Variants in FEZ2 observed in about 807,000 individuals in gnomAD.
FEZ2 encodes the protein fasciculation and elongation protein zeta-2.
Under a neutral mutation model 40.4 loss-of-function variants are expected in FEZ2, and 51 were observed. The observed-to-expected ratio is 1.26, with a 90% CI of 1.01 to 1.59. The LOEUF (loss-of-function observed/expected upper bound fraction) is 1.59, where lower values mean the gene tolerates loss of function less well. FEZ2 is among the 40% of genes most tolerant of loss of function. The pLI is 0.00. For missense variants in FEZ2, 640 were observed against 438.3 expected (o/e 1.46, Z -4.11); for synonymous variants, 242 against 172.0 (o/e 1.41, Z -3.18).
At chr2:36,573,047 T>C (rs1374175025) in intron 5 of FEZ2, among the ~76,000 whole-genome samples, 1 of 152,222 alleles carries the variant, frequency 6.6e-6, no homozygotes, top group Non-Finnish European at 1.5e-5. Flanking sequence ...AAGTTGTCCG[T>C]ATAAACTTTT....
rs572818838 is a variant in FEZ2, at chr2:36,598,062, G to C, written c.81C>G (p.Asn27Lys). ...ARSLLDQENC[N>K]ASPEPGAEAG... ...CCTCCGCCCCAGGCTCGGGGCTCGC[G>C]TTACAGTTCTCCTGGTCCAGGAGGC... Residue 27 changes from asparagine (N) to lysine (K), a missense_variant, in exon 1 of 8, where the codon AAC becomes AAG. Transcript: ENST00000405912. 130 of 1,491,346 alleles carry C rather than the reference G, an allele frequency of 8.7e-5. No homozygotes were observed. The African/African-American group carries it at 1.8e-3, about 20-fold the overall frequency. The allele number at this position is 1,491,346 out of a possible 1,614,324, so 92.4% of individuals were successfully genotyped here. A position where few individuals can be genotyped will look rare whatever the true frequency, so the allele number is the denominator to read the frequency against.
At chr2:36,583,233 T>C (rs1668803048) in intron 3 of FEZ2, 120 bp downstream of exon 3, 1 of 630,450 alleles carries the variant, frequency 1.6e-6, no homozygotes, top group Non-Finnish European at 2.8e-6. Flanking sequence ...TAAGCCTGTA[T>C]AACCAGAAAA....
In FEZ2 at chr2:36,597,913, C is replaced by A. The variant is rs1194541264; in HGVS notation, c.230G>T (p.Arg77Leu). 6 of 1,418,802 alleles carry A rather than the reference C, an allele frequency of 4.2e-6. No individual in the cohort carries two copies. Among genetic ancestry groups the A allele is most frequent in the Admixed American group, 2.9e-5 (1 of 33,988 alleles). The allele number at this position is 1,418,802 out of a possible 1,614,324, so 87.9% of individuals were successfully genotyped here. Residue 77 changes from arginine (R) to leucine (L), a missense_variant, in exon 1 of 8, where the codon CGG becomes CTG. Arg to Leu is a moderately radical substitution (Grantham distance 102, BLOSUM62 -2). Transcript: ENST00000405912. ...CAGGAGGCTGCGCTCCGTGATGGGC[C>A]GCACGGCCGTCCTCGGGGGCTCGGC... ...PGAEPPRTAV[R>L]PITERSLLQG...
chr2:36,581,487 C>G, intron 3 of FEZ2, 56 bp from the exon 4 acceptor site: 1 of 1,546,128 alleles, frequency 6.5e-7, no homozygotes, highest in Non-Finnish European at 8.9e-7. Flanking sequence ...AATGATCTAT[C>G]TGGAACACAG....
intron 2 of FEZ2, among the ~76,000 whole-genome samples, chr2:36,585,678 A>T (rs1239477036): frequency 6.6e-6 from 1 of 152,250 alleles, no homozygotes; most frequent in Non-Finnish European, 1.5e-5. Flanking sequence ...GAGAAAATGT[A>T]AACATAATAT....
chr2:36,583,281 C>G (rs1054603124), intron 3 of FEZ2, 72 bp downstream of exon 3: 1 of 771,744 alleles, frequency 1.3e-6, no homozygotes, highest in South Asian at 1.5e-5. Context: ...CCATCATTTA[C>G]TGTCATAACA....
chr2:36,573,968 T>C (rs1192921084), intron 5 of FEZ2, among the ~76,000 whole-genome samples: 1 of 152,226 alleles, frequency 6.6e-6, no homozygotes, highest in African/African-American at 2.4e-5. Flanking sequence ...ATTCTTTGAC[T>C]TGGAAATTCT....
In FEZ2 at chr2:36,593,446, C is replaced by G. The variant is rs1305467183; in HGVS notation, c.267-2435G>C. 2.0e-5 allele frequency among the ~76,000 whole-genome samples: 3 copies of G among 152,226 alleles called. 1 individual carries two copies. The East Asian group carries it at 5.9e-4, about 30-fold the overall frequency. On this transcript the variant is annotated intron_variant, in intron 1 of 7. Coordinates refer to ENST00000405912, the MANE Select transcript of FEZ2 (RefSeq NM_005102.3). ...CTTTTGCCTGGGCATCCAGGCATTT[C>G]CATACATCTTCTGAATCTAGAAGGA...
chr2:36,591,753 G>A (rs1339213298), intron 1 of FEZ2, among the ~76,000 whole-genome samples: 2 of 152,176 alleles, frequency 1.3e-5, no homozygotes, highest in Non-Finnish European at 2.9e-5. Flanking sequence ...GCATTTGACT[G>A]AGACTAGGGA....
chr2:36,594,178 C>G (rs1037756044), intron 1 of FEZ2, among the ~76,000 whole-genome samples: 2 of 152,028 alleles, frequency 1.3e-5, no homozygotes, highest in East Asian at 4.0e-4. Flanking sequence ...TTGGGAAAGC[C>G]ATTCAACAAG....
chr2:36,591,938 A>T (rs188030023), intron 1 of FEZ2, among the ~76,000 whole-genome samples: 1 of 152,346 alleles, frequency 6.6e-6, no homozygotes, highest in Non-Finnish European at 1.5e-5. Context: ...AGAGAGTCCC[A>T]AACCACACCA....
chr2:36,596,280 C>A (rs534781254), intron 1 of FEZ2, among the ~76,000 whole-genome samples: 1 of 152,340 alleles, frequency 6.6e-6, no homozygotes, highest in East Asian at 1.9e-4. Context: ...ACTCCCAAGG[C>A]TGTCTTTACA....
chr2:36,554,267 G>A, intron 7 of FEZ2: 1 of 471,106 alleles, frequency 2.1e-6, no homozygotes, highest in Non-Finnish European at 4.4e-6. Context: ...ATAGTCCTAG[G>A]TTTTCAGAGT....
chr2:36,581,024 C>T (rs1211174230), intron 4 of FEZ2, among the ~76,000 whole-genome samples: 1 of 152,132 alleles, frequency 6.6e-6, no homozygotes, highest in East Asian at 1.9e-4. Flanking sequence ...TGGTGGCGGG[C>T]ACCTGTAATC....
intron 7 of FEZ2, among the ~76,000 whole-genome samples, chr2:36,554,615 A>AT (rs1262502705): frequency 6.6e-6 from 1 of 152,128 alleles, no homozygotes; most frequent in Non-Finnish European, 1.5e-5. Context: ...AAAAAAGCTT[A>AT]TTTTTTAAAA....
chr2:36,593,585 G>A (rs891506352), intron 1 of FEZ2, among the ~76,000 whole-genome samples: 3 of 152,038 alleles, frequency 2.0e-5, no homozygotes, highest in Non-Finnish European at 4.4e-5. Flanking sequence ...CTGTACTCTC[G>A]CCCCTTTCAG....
At chr2:36,563,717 C>A (rs1421194842) in intron 5 of FEZ2, among the ~76,000 whole-genome samples, 1 of 152,116 alleles carries the variant, frequency 6.6e-6, no homozygotes, top group African/African-American at 2.4e-5. Flanking sequence ...TCTTTCCTTT[C>A]CCAAGGTTTT....
chr2:36,554,451 T>C (rs1283930809), intron 7 of FEZ2, among the ~76,000 whole-genome samples: 1 of 152,166 alleles, frequency 6.6e-6, no homozygotes, highest in African/African-American at 2.4e-5. Context: ...GTTCTTTATG[T>C]TCGTCTCATT....
In FEZ2 at chr2:36,597,812, G is replaced by GA. The variant is rs1669275311; in HGVS notation, c.266+64_266+65insT. On this transcript the variant is annotated intron_variant, in intron 1 of 7. Transcript: ENST00000405912. The stretch of plus-strand genomic sequence containing the variant: ...GCGCAGGGAGGAGCTGCGGCCGTAG[G>GA]GCTGCCGGTCGGGCGAGGGGTAGGG... 3.1e-5 allele frequency: 33 copies of GA among 1,075,672 alleles called. No homozygotes were observed. In the South Asian group the frequency reaches 7.9e-4, roughly 26 times the overall value. The allele number at this position is 1,075,672 out of a possible 1,614,324, so 66.6% of individuals were successfully genotyped here. A position where few individuals can be genotyped will look rare whatever the true frequency, so the allele number is the denominator to read the frequency against.
Sources: allele counts gnomAD v4.1 joint callset (sites outside exome capture counted in the v4.1 genomes callset), GRCh38; gene constraint gnomAD v4.1.1; transcripts MANE v1.5; gene names NCBI Gene and HGNC (gene_info 2026-07-23, HGNC 2026-07-21).